The following DLC1 variants were observed in gnomAD, a reference collection of about 807,000 sequenced individuals.
DLC1 encodes rho GTPase-activating protein 7.
Under a neutral mutation model 140.3 loss-of-function variants are expected in DLC1, and 54 were observed. That is an observed-to-expected ratio of 0.38 (90% CI 0.31 to 0.48). DLC1 has a LOEUF of 0.48. DLC1 is among the 20% of genes least tolerant of loss of function. DLC1 has a pLI of 0.96. For missense variants in DLC1, 2,536 were observed against 1,907.0 expected, an observed-to-expected ratio of 1.33 and a Z score of -6.14; for synonymous variants, 986 against 728.1, an observed-to-expected ratio of 1.35 and a Z score of -5.70.
In DLC1 at chr8:13,090,343, C is replaced by T. The variant is rs1056338432; in HGVS notation, c.3983G>A (p.Cys1328Tyr). 3 of 1,614,204 alleles carry T rather than the reference C, an allele frequency of 1.9e-6. No homozygotes were observed. ...GACTTCTTTAAACAGGCCATCCACACAGTCCTGGAGGAAGTGTTGGTAGTC... is the reference window on the plus strand; with the variant it reads ...GACTTCTTTAAACAGGCCATCCACATAGTCCTGGAGGAAGTGTTGGTAGTC... Reference protein sequence around the residue: ...SADYQHFLQDCVDGLFKEVKE... With the variant: ...SADYQHFLQDYVDGLFKEVKE... The change falls in exon 15 of 18, where the codon TGT becomes TAT. Residue 1328 changes from cysteine (C) to tyrosine (Y), a missense_variant. Transcript: ENST00000276297.
intron 4 of DLC1, among the ~76,000 whole-genome samples, chr8:13,366,185 T>C (rs1835471367): frequency 6.6e-6 from 1 of 152,232 alleles, no homozygotes; most frequent in Non-Finnish European, 1.5e-5. Flanking sequence ...GAATTCCTAT[T>C]GGGAGCCCAG....
At chr8:13,444,688 C>G (rs1206848566) in intron 2 of DLC1, among the ~76,000 whole-genome samples, 11 of 152,092 alleles carry the variant, frequency 7.2e-5, no homozygotes, top group Admixed American at 1.3e-4. Context: ...ATTTTTCATA[C>G]AAAATATTAT....
At chr8:13,333,123 C>G (rs1356579296) in intron 4 of DLC1, among the ~76,000 whole-genome samples, 1 of 151,992 alleles carries the variant, frequency 6.6e-6, no homozygotes. Context: ...ATTATTTTTT[C>G]TTTGTCCTTA....
rs115883329 is a variant in DLC1, at chr8:13,527,680, A to G, written c.-125-27484T>C. On this transcript the variant is annotated intron_variant, in intron 1 of 1. Transcript: ENST00000631382. ...TTGTTATTTTGGTAAATGCACTGGA[A>G]AAGAATGAATATTATATTTTCCTGT... 3.2e-3 allele frequency among the ~76,000 whole-genome samples: 484 copies of G among 152,228 alleles called. 3 individuals carry two copies. The highest frequency in any genetic ancestry group is 0.011 in the African/African-American group (474 of 41,548).
chr8:13,364,442 G>T (rs1279082524), intron 4 of DLC1, among the ~76,000 whole-genome samples: 1 of 152,060 alleles, frequency 6.6e-6, no homozygotes, highest in Non-Finnish European at 1.5e-5. Flanking sequence ...GAGATTACAG[G>T]CATGTGCCAC....
intron 6 of DLC1, among the ~76,000 whole-genome samples, chr8:13,114,788 G>C (rs1387992201): frequency 2.0e-5 from 3 of 152,194 alleles, no homozygotes; most frequent in Non-Finnish European, 2.9e-5. Flanking sequence ...GGAAATGGCA[G>C]TCAAAATCTC....
intron 5 of DLC1, among the ~76,000 whole-genome samples, chr8:13,284,636 A>C (rs1831478547): frequency 6.8e-6 from 1 of 146,220 alleles, no homozygotes; most frequent in African/African-American, 2.7e-5. Context: ...AGAGATCAAT[A>C]CAATTGCTTA....
intron 4 of DLC1, among the ~76,000 whole-genome samples, chr8:13,383,411 A>T (rs1451274683): frequency 1.3e-5 from 2 of 152,184 alleles, no homozygotes; most frequent in Non-Finnish European, 2.9e-5. Context: ...TGCTTGAGGA[A>T]GTGCACCTGA....
At chr8:13,086,813 C>T (rs909510190) in intron 16 of DLC1, among the ~76,000 whole-genome samples, 1 of 152,126 alleles carries the variant, frequency 6.6e-6, no homozygotes, top group African/African-American at 2.4e-5. Flanking sequence ...TGCTTGAGCT[C>T]AGGAGTTCAA....
At chr8:13,320,433 C>T (rs541622564) in intron 4 of DLC1, among the ~76,000 whole-genome samples, 7 of 152,250 alleles carry the variant, frequency 4.6e-5, no homozygotes, top group South Asian at 4.2e-4. Flanking sequence ...CAAAAGAAAG[C>T]GTTTGTAGCA....
chr8:13,531,991 A>T (rs990311394), intron 1 of DLC1, among the ~76,000 whole-genome samples: 1 of 152,234 alleles, frequency 6.6e-6, no homozygotes, highest in Non-Finnish European at 1.5e-5. Context: ...CGGCACAAGG[A>T]AAGATTTTCT....
chr8:13,435,659 T>C (rs955921407), intron 2 of DLC1, among the ~76,000 whole-genome samples: 1 of 152,186 alleles, frequency 6.6e-6, no homozygotes, highest in African/African-American at 2.4e-5. Flanking sequence ...TTCTTTCAGA[T>C]GGCATCTACT....
intron 4 of DLC1, among the ~76,000 whole-genome samples, chr8:13,369,354 C>CAA (rs148214804): frequency 0.015 from 1,981 of 128,054 alleles, 63 homozygotes; most frequent in Non-Finnish European, 0.019. Context: ...TTGGCTGGGT[C>CAA]GAAAAAAAAA....
intron 1 of DLC1, among the ~76,000 whole-genome samples, chr8:13,501,475 C>T (rs1273166462): frequency 6.6e-6 from 1 of 152,176 alleles, no homozygotes; most frequent in Admixed American, 6.5e-5. Flanking sequence ...GAACTGTCAG[C>T]ACACAACATG....
chr8:13,394,161 A>G (rs1156311766), intron 3 of DLC1, among the ~76,000 whole-genome samples: 1 of 152,190 alleles, frequency 6.6e-6, no homozygotes, highest in Non-Finnish European at 1.5e-5. Flanking sequence ...CTATGTTCCT[A>G]TTCAACCTCT....
chr8:13,115,049 T>G (rs1820435789), intron 6 of DLC1, among the ~76,000 whole-genome samples: 1 of 152,174 alleles, frequency 6.6e-6, no homozygotes, highest in South Asian at 2.1e-4. Context: ...GCACAGCTTA[T>G]AAAAGCAAAA....
chr8:13,568,649 G>A (rs1424329932), intron 1 of DLC1, among the ~76,000 whole-genome samples: 3 of 152,112 alleles, frequency 2.0e-5, no homozygotes, highest in Non-Finnish European at 4.4e-5. Flanking sequence ...TGGCTAAGTA[G>A]AGAAAAATAA....
intron 1 of DLC1, among the ~76,000 whole-genome samples, chr8:13,569,647 A>G (rs925167629): frequency 2.0e-5 from 3 of 152,050 alleles, no homozygotes; most frequent in African/African-American, 2.4e-5. Context: ...ACCCCAAGCT[A>G]TTTTTCAGCA....
intron 5 of DLC1, among the ~76,000 whole-genome samples, chr8:13,202,918 C>A (rs961522019): frequency 6.6e-6 from 1 of 152,140 alleles, no homozygotes; most frequent in Admixed American, 6.5e-5. Flanking sequence ...AAGTAATCCA[C>A]CCGCCTCAGC....
Sources: gnomAD v4.1 joint callset for allele counts (sites outside exome capture counted in the v4.1 genomes callset) on GRCh38, gnomAD v4.1.1 for gene constraint, MANE v1.5 for transcripts, NCBI Gene and HGNC (gene_info 2026-07-23, HGNC 2026-07-21) for gene names.